Variants in UBA1 observed in about 807,000 individuals in gnomAD.
The protein encoded by UBA1 is ubiquitin-like modifier-activating enzyme 1.
A neutral mutation model predicts 84.7 loss-of-function variants in UBA1; 4 were observed. The observed-to-expected ratio is 0.05, with a 90% confidence interval of 0.02 to 0.11. The LOEUF (loss-of-function observed/expected upper bound fraction) is 0.11, where lower values mean the gene tolerates loss of function less well. UBA1 is among the 10% of genes least tolerant of loss of function. The pLI, the probability that UBA1 is intolerant of heterozygous loss-of-function variation, is 1.00. For missense variants in UBA1, 513 were observed against 902.8 expected, an observed-to-expected ratio of 0.57 and a Z score of 5.53; for synonymous variants, 364 against 362.6, an observed-to-expected ratio of 1.00 and a Z score of -0.04.
Position 47,202,689 on chromosome X carries a change from C to G in UBA1, c.1108C>G (p.Leu370Val). ...ALAQAVNARA[L>V]PAVQQNNLDE... ...AGCACAGGCTGTGAATGCTCGAGCC[C>G]TGCCAGCAGTGCAGCAAAATAACCT... is the stretch of plus-strand genomic sequence containing the variant. Residue 370 changes from leucine (L) to valine (V), a missense_variant, in exon 11 of 26, where the codon CTG becomes GTG. This residue lies in a region of UBA1 where 227 missense variants were observed against 339.1 expected (regional missense o/e 0.67). Transcript: ENST00000335972. 1 of 1,212,272 alleles carries G rather than the reference C, an allele frequency of 8.2e-7. No homozygotes were observed. Among genetic ancestry groups the G allele is most frequent in the South Asian group, 1.8e-5 (1 of 56,988 alleles).
intron 8 of UBA1, among the ~76,000 whole-genome samples, 200 bp downstream of exon 8, chrX:47,201,810 A>G (rs782707428): frequency 4.5e-5 from 5 of 112,001 alleles, no homozygotes; most frequent in Non-Finnish European, 9.4e-5. Flanking sequence ...TGTTTGAGCT[A>G]TTCCTGGGAG....
Position 47,199,706 on chromosome X carries a change from C to T in UBA1, c.480+92C>T, listed in dbSNP as rs145097857. ...AGTGTTCAATATTGATTTAATGGGT[C>T]GGCCTGAATGTCAGGTTTTGTGCTG... On this transcript the variant is annotated intron_variant, in intron 5 of 25. Transcript: ENST00000335972. The T allele has an allele frequency of 5.1e-4, 546 of 1,070,826 alleles. 3 individuals carry two copies. The African/African-American group carries it at 8.0e-3, about 16-fold the overall frequency. The allele number at this position is 1,070,826 out of a possible 1,213,427, so 88.2% of individuals were successfully genotyped here.
At chrX:47,200,743 G>C (rs1386576952) in intron 5 of UBA1, 151 bp from the exon 6 acceptor site, 2 of 483,203 alleles carry the variant, frequency 4.1e-6, no homozygotes, top group Non-Finnish European at 7.5e-6. Flanking sequence ...CACAGAGTCT[G>C]ATACACAGTA....
Position 47,201,115 on chromosome X carries a change from G to T in UBA1, c.587+115G>T, listed in dbSNP as rs1461536338. ...CCCTTCTCAGCTACCCAGGTTTTGG[G>T]TTCTGTGTTTTCATCTCTCCCCATG... On this transcript the variant is annotated intron_variant, in intron 6 of 25. Coordinates refer to ENST00000335972, the MANE Select transcript of UBA1 (RefSeq NM_003334.4). 4 of 846,209 alleles carry T rather than the reference G, an allele frequency of 4.7e-6. No individual in the cohort carries two copies. The East Asian group carries it at 1.4e-4, about 29-fold the overall frequency. The allele number at this position is 846,209 out of a possible 1,213,427, so 69.7% of individuals were successfully genotyped here. A position where few individuals can be genotyped will look rare whatever the true frequency, so the allele number is the denominator to read the frequency against.
At chrX:47,195,531 G>A (rs6609462) in intron 1 of UBA1, among the ~76,000 whole-genome samples, 1 of 111,521 alleles carries the variant, frequency 9.0e-6, no homozygotes, top group East Asian at 2.8e-4. Flanking sequence ...GATTGCAGGC[G>A]TGAGCCACCG....
chrX:47,199,765 T>C, intron 5 of UBA1, 151 bp downstream of exon 5: 1 of 648,590 alleles, frequency 1.5e-6, no homozygotes, highest in South Asian at 2.5e-5. Context: ...AGTTAGCCCC[T>C]GGCCCTGCCT....
At chrX:47,195,969 C>T (rs1936192873) in intron 1 of UBA1, among the ~76,000 whole-genome samples, 1 of 110,865 alleles carries the variant, frequency 9.0e-6, no homozygotes, top group African/African-American at 3.3e-5. Flanking sequence ...CAACATCCTC[C>T]TGATGGAGGC....
At position 47,199,627 on chromosome X, in the gene UBA1, T is replaced by A; in HGVS notation, c.480+13T>A. On this transcript the variant is annotated intron_variant, in intron 5 of 25. Transcript: ENST00000335972. ...TAGTGGTTTCCAGGTATCTTGGGGGTACTACCCAGCCTTCTGCCCAGTTTT... is the reference window on the plus strand; with the variant it reads ...TAGTGGTTTCCAGGTATCTTGGGGGAACTACCCAGCCTTCTGCCCAGTTTT... 8.3e-7 allele frequency: 1 copy of A among 1,210,414 alleles called. No homozygotes were observed. Among genetic ancestry groups the A allele is most frequent in the African/African-American group, 1.7e-5 (1 of 57,583 alleles).
intron 14 of UBA1, 63 bp from the exon 15 acceptor site, chrX:47,205,885 C>T (rs914404192): frequency 1.8e-6 from 2 of 1,137,080 alleles, no homozygotes; most frequent in Non-Finnish European, 2.4e-6. Context: ...TGGGTGAATG[C>T]ACAAATAAGT....
chrX:47,208,161 C>T (rs1414476074), intron 16 of UBA1, among the ~76,000 whole-genome samples: 1 of 112,778 alleles, frequency 8.9e-6, no homozygotes, highest in East Asian at 2.8e-4. Context: ...GAAGTTCTGT[C>T]TTGTTTGCTA....
chrX:47,195,662 C>T (rs1235352829), intron 1 of UBA1, among the ~76,000 whole-genome samples: 8 of 111,204 alleles, frequency 7.2e-5, no homozygotes, highest in Non-Finnish European at 1.5e-4. Context: ...CATTTGGGGA[C>T]CTAGCCAGTG....
intron 25 of UBA1, 44 bp downstream of exon 25, chrX:47,214,681 T>G (rs782641154): frequency 1.6e-5 from 19 of 1,193,129 alleles, no homozygotes; most frequent in South Asian, 3.6e-5. Flanking sequence ...CTGTATGGGT[T>G]GGGGAGCCTC....
intron 16 of UBA1, among the ~76,000 whole-genome samples, chrX:47,207,097 A>G (rs1255053977): frequency 8.9e-6 from 1 of 111,836 alleles, no homozygotes; most frequent in Non-Finnish European, 1.9e-5. Flanking sequence ...TAACAGAAAC[A>G]TCATTTTCAT....
Position 47,199,095 on chromosome X carries a change from C to T in UBA1, c.165C>T (p.Tyr55=). 1.6e-6 allele frequency: 2 copies of T among 1,212,467 alleles called. No homozygotes were observed. Among genetic ancestry groups the T allele is most frequent in the African/African-American group, 1.7e-5 (1 of 58,007 alleles). ...GSEADIDEGL[Y]SRQLYVLGHE... ...AAGCAGACATAGACGAGGGCCTTTA[C>T]TCCCGGCAGCTGTAAGTGGGGCCAA... Residue 55 remains tyrosine (Y), a synonymous_variant, in exon 3 of 26, where the codon TAC becomes TAT. Transcript: ENST00000335972.
intron 1 of UBA1, among the ~76,000 whole-genome samples, chrX:47,196,871 A>T (rs2147244878): frequency 8.9e-6 from 1 of 111,953 alleles, no homozygotes; most frequent in East Asian, 2.8e-4. Context: ...AGGCCACTAC[A>T]CGTGCCCAGG....
At chrX:47,203,439 C>G in intron 13 of UBA1, 102 bp from the exon 14 acceptor site, 13 of 1,030,834 alleles carry the variant, frequency 1.3e-5, no homozygotes, top group African/African-American at 1.8e-5. Context: ...GTGGTGTTAG[C>G]CCCTCTCCCC....
Position 47,198,858 on chromosome X carries a change from C to G in UBA1, c.56C>G (p.Pro19Arg). 1.7e-6 allele frequency: 2 copies of G among 1,212,100 alleles called. No individual in the cohort carries two copies. The highest frequency in any genetic ancestry group is 3.5e-5 in the African/African-American group (2 of 57,841). The change falls in exon 2 of 26, where the codon CCG becomes CGG. Residue 19 changes from proline to arginine, a missense_variant. This residue lies in a region of UBA1 where 38 missense variants were observed against 43.4 expected (regional missense o/e 0.88). Coordinates refer to ENST00000335972, the MANE Select transcript of UBA1 (RefSeq NM_003334.4). ...KRRVSGPDPK[P>R]GSNCSPAQSV... ...CGCGTGTCCGGGCCTGATCCAAAGC[C>G]GGGTTCTAACTGCTCCCCTGCCCAG...
Position 47,206,125 on chromosome X carries a change from G to T in UBA1, c.1741+12G>T. The T allele has an allele frequency of 8.4e-7, 1 of 1,196,059 alleles. No individual in the cohort carries two copies. The highest frequency in any genetic ancestry group is 3.0e-5 in the East Asian group (1 of 32,935). ...CAACGTGGATGCCCGTGAGTTTGGA[G>T]GCGGGTGAGGTGGTCACGGGCAAAG... On this transcript the variant is annotated intron_variant, in intron 15 of 25. Coordinates refer to ENST00000335972, the MANE Select transcript of UBA1 (RefSeq NM_003334.4).
At chrX:47,197,891 C>T in intron 1 of UBA1, 1 of 708,034 alleles carries the variant, frequency 1.4e-6, no homozygotes, top group Non-Finnish European at 1.7e-6. Context: ...GCAGTCCAAA[C>T]CCCACAGGAG....
Sources: allele counts gnomAD v4.1 joint callset (sites outside exome capture counted in the v4.1 genomes callset), GRCh38; gene constraint gnomAD v4.1.1; regional missense constraint gnomAD v4.1.1; transcripts MANE v1.5; gene names NCBI Gene and HGNC (gene_info 2026-07-23, HGNC 2026-07-21).